The following LRIG1 variants were observed in gnomAD, a reference collection of about 807,000 sequenced individuals.
LRIG1 encodes the protein leucine rich repeats and immunoglobulin like domains 1, also known as leucine-rich repeats and immunoglobulin-like domains protein 1.
Under a neutral mutation model 99.2 loss-of-function variants are expected in LRIG1, and 48 were observed. The ratio of observed to expected loss-of-function variants is 0.48; its 90% CI spans 0.38 to 0.62. The LOEUF is 0.62. Ranked by LOEUF, LRIG1 falls within the 20% of genes least tolerant of loss-of-function variation. The pLI is 0.00. For missense variants in LRIG1, 1,646 were observed against 1,434.4 expected (o/e 1.15, Z -2.38); for synonymous variants, 772 against 596.1 (o/e 1.29, Z -4.30).
In LRIG1 at chr3:66,394,004, C is replaced by A. The variant is rs1385500910; in HGVS notation, c.1468+36G>T. ...AGTACCTCCTGGCTTCCTTGTCCTT[C>A]ATGAAGGAGAGAAAAAGTTACAAAG... On this transcript the variant is annotated intron_variant, in intron 12 of 18. Coordinates refer to ENST00000273261, the MANE Select transcript of LRIG1 (RefSeq NM_015541.3). 7 of 1,610,584 alleles carry A rather than the reference C, an allele frequency of 4.3e-6. No homozygotes were observed. The East Asian group carries it at 1.6e-4, about 36-fold the overall frequency.
At chr3:66,385,499 C>G (rs1701329129) in intron 13 of LRIG1, among the ~76,000 whole-genome samples, 1 of 152,234 alleles carries the variant, frequency 6.6e-6, no homozygotes. Context: ...GACACCCAGG[C>G]TGGAATGCAG....
chr3:66,481,542 T>C (rs1040944568), intron 1 of LRIG1, among the ~76,000 whole-genome samples: 6 of 151,490 alleles, frequency 4.0e-5, no homozygotes. Context: ...CACACACACG[T>C]GTATACACAC....
chr3:66,451,128 G>A (rs976231065), intron 3 of LRIG1, among the ~76,000 whole-genome samples: 2 of 152,026 alleles, frequency 1.3e-5, no homozygotes, highest in African/African-American at 4.8e-5. Context: ...AGAGGCCTGG[G>A]GGCACTTTCT....
At chr3:66,483,435 T>G (rs1700896577) in intron 1 of LRIG1, among the ~76,000 whole-genome samples, 1 of 152,258 alleles carries the variant, frequency 6.6e-6, no homozygotes, top group South Asian at 2.1e-4. Flanking sequence ...ACATAGTTAC[T>G]TGGGCTGGGT....
intron 9 of LRIG1, among the ~76,000 whole-genome samples, chr3:66,401,079 G>A (rs1042228134): frequency 2.6e-5 from 4 of 152,318 alleles, no homozygotes; most frequent in Admixed American, 1.3e-4. Flanking sequence ...TCCTGCCTCC[G>A]GACGGTGAAG....
intron 1 of LRIG1, among the ~76,000 whole-genome samples, chr3:66,487,603 C>A (rs557943524): frequency 7.2e-5 from 11 of 152,160 alleles, no homozygotes; most frequent in Non-Finnish European, 1.0e-4. Context: ...CACACACATA[C>A]ACACATACAG....
chr3:66,409,953 G>A, intron 7 of LRIG1, 176 bp downstream of exon 7: 4 of 577,268 alleles, frequency 6.9e-6, no homozygotes, highest in East Asian at 3.0e-5. Context: ...GGAAGGGACT[G>A]GGGCTCAAAT....
chr3:66,384,330 A>G, intron 13 of LRIG1, 58 bp from the exon 14 acceptor site: 1 of 1,550,556 alleles, frequency 6.4e-7, no homozygotes, highest in East Asian at 2.3e-5. Flanking sequence ...AAAACCAGGA[A>G]GTCCTCTGGC....
chr3:66,462,639 T>G, intron 1 of LRIG1, 130 bp from the exon 2 acceptor site: 1 of 679,938 alleles, frequency 1.5e-6, no homozygotes, highest in Non-Finnish European at 2.6e-6. Context: ...ATGTATTAAG[T>G]AACCGTATTG....
chr3:66,492,981 G>A (rs1187004347), intron 1 of LRIG1, among the ~76,000 whole-genome samples: 2 of 152,140 alleles, frequency 1.3e-5, no homozygotes, highest in African/African-American at 2.4e-5. Flanking sequence ...TGTGTTCCCC[G>A]CCTGTGTCCC....
Position 66,414,965 on chromosome 3 carries a change from G to C in LRIG1, c.602C>G (p.Thr201Ser). The change falls in exon 5 of 19, where the codon ACC becomes AGC. Residue 201 changes from threonine to serine, a missense_variant. By Grantham distance (58) the Thr-to-Ser change is moderately conservative. Coordinates refer to ENST00000273261, the MANE Select transcript of LRIG1 (RefSeq NM_015541.3). ...CTTGAATGCTCTTACAGGAAGCTGG[G>C]TGATCCTGTTTTTGCTCAGGCGAAG... ...LTLRLSKNRI[T>S]QLPVRAFKLP... 1 of 1,612,608 alleles carries C rather than the reference G, an allele frequency of 6.2e-7. No homozygotes were observed. The highest frequency in any genetic ancestry group is 8.5e-7 in the Non-Finnish European group (1 of 1,179,152).
At chr3:66,482,127 G>A (rs755818324) in intron 1 of LRIG1, among the ~76,000 whole-genome samples, 1 of 152,230 alleles carries the variant, frequency 6.6e-6, no homozygotes, top group Non-Finnish European at 1.5e-5. Flanking sequence ...GCAGAAGGCT[G>A]CAGCAGTACA....
At chr3:66,445,991 T>C (rs949489263) in intron 3 of LRIG1, among the ~76,000 whole-genome samples, 1 of 151,882 alleles carries the variant, frequency 6.6e-6, no homozygotes, top group Non-Finnish European at 1.5e-5. Flanking sequence ...CTCTCATTAT[T>C]CCCCCCAGCC....
At chr3:66,478,921 T>G (rs900306663) in intron 1 of LRIG1, among the ~76,000 whole-genome samples, 1 of 152,194 alleles carries the variant, frequency 6.6e-6, no homozygotes, top group African/African-American at 2.4e-5. Context: ...ATGAGCCATT[T>G]TCCTTCTGGT....
chr3:66,396,574 C>T (rs1300270345), intron 11 of LRIG1, among the ~76,000 whole-genome samples: 1 of 152,190 alleles, frequency 6.6e-6, no homozygotes, highest in Non-Finnish European at 1.5e-5. Context: ...TATGCAGCAA[C>T]GATGGGAAAC....
chr3:66,440,604 T>G (rs931385720), intron 3 of LRIG1, among the ~76,000 whole-genome samples: 22 of 152,162 alleles, frequency 1.4e-4, no homozygotes, highest in Non-Finnish European at 4.4e-5. Context: ...CCTCCAGGGT[T>G]CAGTGTAGAC....
At chr3:66,453,211 A>C (rs555062853) in intron 2 of LRIG1, among the ~76,000 whole-genome samples, 10 of 152,360 alleles carry the variant, frequency 6.6e-5, no homozygotes, top group African/African-American at 2.4e-4. Context: ...ACCTGCTGTC[A>C]ATCAGGCAGC....
rs57282808 is a variant in LRIG1, at chr3:66,384,693, T to A, written c.1790-421A>T. ...CTTGGGAGAGCAATGGGATGGCTCA[T>A]CCGTTTGGATGGGTGTTCATGGGAT... On this transcript the variant is annotated intron_variant, in intron 13 of 18. Transcript: ENST00000273261. 0.054 allele frequency among the ~76,000 whole-genome samples: 8,212 copies of A among 151,608 alleles called. 1,464 individuals carry two copies. In the East Asian group the frequency reaches 0.67, roughly 12 times the overall value.
chr3:66,395,638 C>T (rs17044465), intron 11 of LRIG1, among the ~76,000 whole-genome samples: 1,696 of 152,268 alleles, frequency 0.011, 24 homozygotes, highest in African/African-American at 0.039. Context: ...GGGCAGGTAG[C>T]GTTCTGCTGA....
Sources: allele counts gnomAD v4.1 joint callset (sites outside exome capture counted in the v4.1 genomes callset), GRCh38; gene constraint gnomAD v4.1.1; transcripts MANE v1.5; gene names NCBI Gene and HGNC (gene_info 2026-07-23, HGNC 2026-07-21).